Variants in BLOC1S5 observed in about 807,000 individuals in gnomAD.
The protein encoded by BLOC1S5 is biogenesis of lysosome-related organelles complex 1 subunit 5.
In BLOC1S5, 27 loss-of-function variants were observed where a neutral mutation model predicts 24.3. The observed-to-expected ratio is 1.11, with a 90% CI of 0.82 to 1.53. The LOEUF (loss-of-function observed/expected upper bound fraction) is 1.53, where lower values mean the gene tolerates loss of function less well. BLOC1S5 is among the 40% of genes most tolerant of loss of function. The probability of loss-of-function intolerance (pLI) is 0.00; values close to 1 mark genes in which losing one functional copy is unlikely to be tolerated. For synonymous variants in BLOC1S5, 84 were observed against 74.5 expected, an observed-to-expected ratio of 1.13 and a Z score of -0.66; for missense variants, 239 against 229.4, an observed-to-expected ratio of 1.04 and a Z score of -0.27.
At chr6:8,028,215 C>T (rs1759350181) in intron 3 of BLOC1S5, among the ~76,000 whole-genome samples, 3 of 152,220 alleles carry the variant, frequency 2.0e-5, no homozygotes, top group South Asian at 2.1e-4. Flanking sequence ...TGTTAGGCCT[C>T]TCCCTCTGGG....
chr6:8,064,145 C>A, intron 1 of BLOC1S5, 120 bp downstream of exon 1: 1 of 775,276 alleles, frequency 1.3e-6, no homozygotes, highest in Non-Finnish European at 2.0e-6. Flanking sequence ...GACTCCCCCA[C>A]CCGCACAAAC....
chr6:8,052,626 C>G (rs979473711), intron 2 of BLOC1S5, among the ~76,000 whole-genome samples: 1 of 152,052 alleles, frequency 6.6e-6, no homozygotes, highest in Non-Finnish European at 1.5e-5. Flanking sequence ...GGTGCGGTGG[C>G]TCACGCCTGT....
At chr6:8,059,229 T>C (rs191067887) in intron 2 of BLOC1S5, among the ~76,000 whole-genome samples, 1 of 152,316 alleles carries the variant, frequency 6.6e-6, no homozygotes, top group African/African-American at 2.4e-5. Context: ...GAAAAAGAGT[T>C]TGTATAAAGT....
chr6:8,027,903 G>A (rs7743623), intron 3 of BLOC1S5, among the ~76,000 whole-genome samples: 5,945 of 151,362 alleles, frequency 0.039, 370 homozygotes, highest in African/African-American at 0.13. Flanking sequence ...TATCCCTAAA[G>A]AAAATCCTTT....
At chr6:8,017,144 CTAAA>C (rs572593680) in intron 4 of BLOC1S5, among the ~76,000 whole-genome samples, 189 of 152,240 alleles carry the variant, frequency 1.2e-3, no homozygotes, top group Non-Finnish European at 1.8e-3. Context: ...CAATAAAAAT[CTAAA>C]TAGAGTATGA....
At chr6:8,054,381 A>G (rs1320462228) in intron 2 of BLOC1S5, 7 of 366,792 alleles carry the variant, frequency 1.9e-5, no homozygotes, top group African/African-American at 8.6e-5. Context: ...TTCTGTAAGT[A>G]AATATATATT....
chr6:8,024,750 T>C (rs1269093855), intron 4 of BLOC1S5, among the ~76,000 whole-genome samples: 1 of 147,162 alleles, frequency 6.8e-6, no homozygotes, highest in African/African-American at 2.5e-5. Context: ...AAAAAAATGC[T>C]GCCCTACATT....
intron 4 of BLOC1S5, among the ~76,000 whole-genome samples, chr6:8,023,390 G>A (rs1401452473): frequency 1.3e-5 from 2 of 152,134 alleles, no homozygotes; most frequent in Non-Finnish European, 2.9e-5. Flanking sequence ...ATGAACTCAA[G>A]ACCAGCCTGA....
chr6:8,028,444 G>A (rs968191164), intron 3 of BLOC1S5, among the ~76,000 whole-genome samples: 20 of 151,246 alleles, frequency 1.3e-4, no homozygotes, highest in African/African-American at 4.6e-4. Flanking sequence ...CCCAAGCAGT[G>A]CTTCTATCAT....
chr6:8,026,904 A>C (rs1434160620), intron 3 of BLOC1S5, among the ~76,000 whole-genome samples: 5 of 152,222 alleles, frequency 3.3e-5, no homozygotes, highest in African/African-American at 1.2e-4. Context: ...ACTAAGTGCC[A>C]AGATCTATGT....
At chr6:8,041,382 A>C in intron 2 of BLOC1S5, 114 bp from the exon 3 acceptor site, 20 of 1,011,564 alleles carry the variant, frequency 2.0e-5, no homozygotes, top group Non-Finnish European at 2.5e-5. Context: ...GTGTGATCTC[A>C]GCTCACTGCA....
intron 2 of BLOC1S5, among the ~76,000 whole-genome samples, chr6:8,049,086 A>G (rs1200109004): frequency 6.9e-6 from 1 of 144,166 alleles, no homozygotes; most frequent in Non-Finnish European, 1.5e-5. Context: ...GGGGAAAGAA[A>G]GAGGCCAGGT....
intron 3 of BLOC1S5, among the ~76,000 whole-genome samples, chr6:8,030,467 T>C (rs1763260408): frequency 6.6e-6 from 1 of 151,544 alleles, no homozygotes; most frequent in Non-Finnish European, 1.5e-5. Flanking sequence ...CAGATTAAAA[T>C]AATTTTTAAA....
intron 2 of BLOC1S5, among the ~76,000 whole-genome samples, chr6:8,053,577 C>T (rs980469780): frequency 6.6e-6 from 1 of 152,184 alleles, no homozygotes; most frequent in African/African-American, 2.4e-5. Context: ...TAATAGACTA[C>T]AGGATAGTGT....
intron 4 of BLOC1S5, among the ~76,000 whole-genome samples, chr6:8,018,517 G>A (rs1029223341): frequency 1.3e-5 from 2 of 152,172 alleles, no homozygotes; most frequent in Admixed American, 6.5e-5. Context: ...CAACCAGAAC[G>A]CATTTTATCC....
chr6:8,038,796 A>C (rs1169598317), intron 3 of BLOC1S5, among the ~76,000 whole-genome samples: 1 of 152,184 alleles, frequency 6.6e-6, no homozygotes, highest in African/African-American at 2.4e-5. Flanking sequence ...AATGGCTTTT[A>C]TTAAAAAGAT....
intron 3 of BLOC1S5, among the ~76,000 whole-genome samples, chr6:8,029,962 A>G (rs1432968904): frequency 6.6e-6 from 1 of 152,228 alleles, no homozygotes; most frequent in Non-Finnish European, 1.5e-5. Flanking sequence ...GCAGATGTAC[A>G]TCCACAAGAA....
intron 2 of BLOC1S5, among the ~76,000 whole-genome samples, chr6:8,046,035 G>A (rs906862210): frequency 6.6e-6 from 1 of 152,142 alleles, no homozygotes; most frequent in African/African-American, 2.4e-5. Context: ...GTTTGGCTCT[G>A]TCCCCACCCA....
chr6:8,042,219 G>A (rs760055171), intron 2 of BLOC1S5, among the ~76,000 whole-genome samples: 6 of 152,114 alleles, frequency 3.9e-5, no homozygotes, highest in Non-Finnish European at 7.4e-5. Flanking sequence ...TAAACACTCC[G>A]ATCTGATCTT....
Sources: allele counts gnomAD v4.1 joint callset (sites outside exome capture counted in the v4.1 genomes callset), GRCh38; gene constraint gnomAD v4.1.1; transcripts MANE v1.5; gene names NCBI Gene and HGNC (gene_info 2026-07-23, HGNC 2026-07-21).